COL23A1: variants seen among roughly 807,000 people sequenced by gnomAD.
COL23A1 encodes the protein collagen type XXIII alpha 1 chain.
A neutral mutation model predicts 99.3 loss-of-function variants in COL23A1; 97 were observed. The observed-to-expected ratio is 0.98, with a 90% CI of 0.83 to 1.16. The LOEUF (loss-of-function observed/expected upper bound fraction) is 1.16, where lower values mean the gene tolerates loss of function less well. COL23A1 is among the 50% of genes most tolerant of loss of function. COL23A1 has a pLI of 0.00. For synonymous variants in COL23A1, 320 were observed against 308.2 expected, an observed-to-expected ratio of 1.04 and a Z score of -0.40; for missense variants, 762 against 757.4, an observed-to-expected ratio of 1.01 and a Z score of -0.07.
At chr5:178,312,919 G>C (rs532524048) in intron 2 of COL23A1, among the ~76,000 whole-genome samples, 1 of 152,176 alleles carries the variant, frequency 6.6e-6, no homozygotes, top group Non-Finnish European at 1.5e-5. Flanking sequence ...ACTACCAGGC[G>C]CAACAGCCAA....
intron 2 of COL23A1, among the ~76,000 whole-genome samples, chr5:178,485,319 A>G (rs1160159638): frequency 6.6e-6 from 1 of 151,730 alleles, no homozygotes; most frequent in South Asian, 2.1e-4. Context: ...AAAAAATACC[A>G]GAAAAATTAG....
intron 2 of COL23A1, among the ~76,000 whole-genome samples, chr5:178,523,143 A>AATATATATATAT (rs34569306): frequency 2.8e-5 from 3 of 106,226 alleles, no homozygotes; most frequent in African/African-American, 6.3e-5. Context: ...TCTATTTAAA[A>AATATATATATAT]ATATATATAT....
At chr5:178,250,183 A>G (rs1764958406) in intron 17 of COL23A1, 78 bp from the exon 18 acceptor site, 2 of 1,552,242 alleles carry the variant, frequency 1.3e-6, no homozygotes, top group Non-Finnish European at 1.8e-6. Flanking sequence ...GCCAGGACAC[A>G]CTGTGCACCC....
chr5:178,268,851 C>A, intron 6 of COL23A1, 95 bp from the exon 7 acceptor site: 2 of 1,318,066 alleles, frequency 1.5e-6, no homozygotes, highest in Non-Finnish European at 2.1e-6. Context: ...CAGAAGGGCC[C>A]GTGATGCTGG....
At chr5:178,530,697 G>A (rs1045572822) in intron 2 of COL23A1, among the ~76,000 whole-genome samples, 4 of 151,098 alleles carry the variant, frequency 2.6e-5, no homozygotes, top group East Asian at 1.9e-4. Flanking sequence ...AGCTCCCTCC[G>A]GCTGAGGTCC....
intron 19 of COL23A1, among the ~76,000 whole-genome samples, chr5:178,248,559 G>T (rs1764840106): frequency 1.3e-5 from 2 of 152,134 alleles, no homozygotes; most frequent in Non-Finnish European, 2.9e-5. Flanking sequence ...TGACCATCAG[G>T]GATGGACACT....
At chr5:178,558,518 AC>A (rs1488024674) in intron 2 of COL23A1, among the ~76,000 whole-genome samples, 4 of 151,886 alleles carry the variant, frequency 2.6e-5, no homozygotes, top group African/African-American at 9.7e-5. Flanking sequence ...AATAGCCAAA[AC>A]CAAAATTTCA....
chr5:178,483,568 A>G (rs1478635214), intron 2 of COL23A1, among the ~76,000 whole-genome samples: 1 of 152,258 alleles, frequency 6.6e-6, no homozygotes, highest in Non-Finnish European at 1.5e-5. Flanking sequence ...AAATTATTAC[A>G]GTTTTAAATA....
chr5:178,560,793 T>C, intron 1 of COL23A1, 45 bp from the exon 2 acceptor site: 15 of 1,520,414 alleles, frequency 9.9e-6, no homozygotes, highest in Non-Finnish European at 1.2e-5. Context: ...AGAGAATGAG[T>C]TTCAGAACAG....
At chr5:178,397,379 T>G (rs1320972311) in intron 2 of COL23A1, among the ~76,000 whole-genome samples, 2 of 152,158 alleles carry the variant, frequency 1.3e-5, no homozygotes, top group Non-Finnish European at 2.9e-5. Context: ...GACCCACAGC[T>G]GCAACGGATC....
chr5:178,518,498 C>A (rs1215379839), intron 2 of COL23A1, among the ~76,000 whole-genome samples: 1 of 147,478 alleles, frequency 6.8e-6, no homozygotes, highest in Non-Finnish European at 1.5e-5. Context: ...CCTCACCTCC[C>A]GGACGGGGTG....
rs10071784 is a variant in COL23A1 at position 178,389,348 on chromosome 5, C to T, written c.362-82429G>A. Among the ~76,000 whole-genome samples the T allele has an allele frequency of 5.0e-3, 762 of 152,316 alleles. 3 individuals are homozygous for T. The highest frequency in any genetic ancestry group is 0.017 in the Middle Eastern group (5 of 294). On this transcript the variant is annotated intron_variant, in intron 2 of 28. Coordinates refer to ENST00000390654, the MANE Select transcript of COL23A1 (RefSeq NM_173465.4). The stretch of plus-strand genomic sequence containing the variant: ...AAAGGTGGGTTTGGCTACACTCTCC[C>T]CTGTGTGACAGTTACACAGAGACTC...
intron 2 of COL23A1, among the ~76,000 whole-genome samples, chr5:178,399,296 G>A (rs1247572995): frequency 6.6e-6 from 1 of 152,212 alleles, no homozygotes; most frequent in Non-Finnish European, 1.5e-5. Flanking sequence ...AGAGAGTCAG[G>A]AGTCAAAGGG....
intron 3 of COL23A1, among the ~76,000 whole-genome samples, chr5:178,303,419 G>A (rs1308830195): frequency 6.6e-6 from 1 of 152,238 alleles, no homozygotes; most frequent in Non-Finnish European, 1.5e-5. Flanking sequence ...TTCTTGGGCT[G>A]TGGCAAAACT....
intron 2 of COL23A1, among the ~76,000 whole-genome samples, chr5:178,348,922 C>A (rs904932733): frequency 3.3e-5 from 5 of 152,320 alleles, no homozygotes; most frequent in South Asian, 2.1e-4. Flanking sequence ...CAGCCTCCCC[C>A]ACCCGCGTCA....
rs535858 is a variant in COL23A1, at chr5:178,544,351, C to T, written c.361+16331G>A. Among the ~76,000 whole-genome samples, 4 of 152,040 alleles carry T rather than the reference C, an allele frequency of 2.6e-5. No individual in the cohort carries two copies. Among genetic ancestry groups the T allele is most frequent in the African/African-American group, 7.3e-5 (3 of 41,358 alleles). Reference sequence around the variant, plus strand: ...TCCCAAGGCGGGGAAGGCAAGTCGGCGGATGCGCACTTCAGGGAGGACGCA... The same window carrying T: ...TCCCAAGGCGGGGAAGGCAAGTCGGTGGATGCGCACTTCAGGGAGGACGCA... On this transcript the variant is annotated intron_variant, in intron 2 of 28. Coordinates refer to ENST00000390654, the MANE Select transcript of COL23A1 (RefSeq NM_173465.4). This position sits in a 1 kb window ranked among gnomAD's most constrained non-coding sequence, Gnocchi z 4.4.
intron 1 of COL23A1, among the ~76,000 whole-genome samples, chr5:178,567,672 A>G (rs1368469358): frequency 6.6e-6 from 1 of 152,234 alleles, no homozygotes; most frequent in African/African-American, 2.4e-5. Context: ...CGGAGGTTGC[A>G]GTGAGCAGAG....
chr5:178,561,835 C>T (rs1020769926), intron 1 of COL23A1: 2 of 251,636 alleles, frequency 7.9e-6, no homozygotes, highest in Non-Finnish European at 1.6e-5. Context: ...TTTGCACAGA[C>T]GACAAGACCT....
intron 2 of COL23A1, among the ~76,000 whole-genome samples, chr5:178,320,196 T>A (rs551681005): frequency 1.3e-5 from 2 of 152,376 alleles, no homozygotes. Context: ...GTTTATGGTT[T>A]CTCTCTTCTT....
Sources: gnomAD v4.1 joint callset for allele counts (sites outside exome capture counted in the v4.1 genomes callset) on GRCh38, gnomAD v4.1.1 for gene constraint, Gnocchi (gnomAD v3.1) non-coding constraint, MANE v1.5 for transcripts, NCBI Gene and HGNC (gene_info 2026-07-23, HGNC 2026-07-21) for gene names.